The following TYW1B variants were observed in gnomAD, a reference collection of about 807,000 sequenced individuals.
TYW1B encodes the protein tRNA-yW synthesizing protein 1 homolog B.
Under a neutral mutation model 86.9 loss-of-function variants are expected in TYW1B, and 73 were observed. The observed-to-expected ratio is 0.84, with a 90% CI of 0.70 to 1.02. The LOEUF (loss-of-function observed/expected upper bound fraction) is 1.02. TYW1B is among the 50% of genes least tolerant of loss of function. The pLI is 0.00. For missense variants in TYW1B, 637 were observed against 827.4 expected, an observed-to-expected ratio of 0.77 and a Z score of 2.82; for synonymous variants, 248 against 292.8, an observed-to-expected ratio of 0.85 and a Z score of 1.56.
At chr7:72,626,518 T>C (rs1554438871) in intron 12 of TYW1B, among the ~76,000 whole-genome samples, 1 of 152,116 alleles carries the variant, frequency 6.6e-6, no homozygotes, top group Non-Finnish European at 1.5e-5. Flanking sequence ...ATATCTCAAA[T>C]TTAATGTTGC....
chr7:72,650,606 C>T (rs1813034733), intron 11 of TYW1B, among the ~76,000 whole-genome samples: 2 of 152,132 alleles, frequency 1.3e-5, no homozygotes, highest in South Asian at 4.1e-4. Flanking sequence ...GACATCCCCA[C>T]TGCAACACAG....
intron 7 of TYW1B, among the ~76,000 whole-genome samples, chr7:72,776,387 C>G (rs1452047307): frequency 6.6e-6 from 1 of 151,532 alleles, no homozygotes; most frequent in African/African-American, 2.4e-5. Flanking sequence ...AGTTCAAGAC[C>G]AGCATGGCCA....
intron 5 of TYW1B, 146 bp downstream of exon 5, chr7:72,806,920 G>A (rs1290842273): frequency 9.2e-6 from 11 of 1,194,278 alleles, no homozygotes; most frequent in Non-Finnish European, 1.2e-5. Flanking sequence ...CCCAAAGTGT[G>A]GGGATTACAA....
At chr7:72,758,045 A>G (rs1787622439) in intron 7 of TYW1B, among the ~76,000 whole-genome samples, 1 of 152,064 alleles carries the variant, frequency 6.6e-6, no homozygotes, top group Non-Finnish European at 1.5e-5. Context: ...TGGCGAAACC[A>G]CATCTCTACT....
chr7:72,773,957 C>A (rs145200746), intron 7 of TYW1B, among the ~76,000 whole-genome samples: 55 of 149,776 alleles, frequency 3.7e-4, no homozygotes, highest in Non-Finnish European at 6.1e-4. Flanking sequence ...CCCAGCTACT[C>A]GGGAGGCTGA....
chr7:72,583,233 C>T (rs1811198689), intron 13 of TYW1B, among the ~76,000 whole-genome samples: 1 of 152,112 alleles, frequency 6.6e-6, no homozygotes, highest in Non-Finnish European at 1.5e-5. Context: ...TCCTGCAGTC[C>T]CAGCTACTCG....
intron 10 of TYW1B, among the ~76,000 whole-genome samples, chr7:72,706,947 G>T (rs1297745379): frequency 1.3e-5 from 2 of 152,204 alleles, no homozygotes; most frequent in African/African-American, 2.4e-5. Context: ...GGAGAAAATG[G>T]ATTGCATATC....
intron 11 of TYW1B, among the ~76,000 whole-genome samples, chr7:72,658,665 C>A (rs1230524004): frequency 6.6e-6 from 1 of 152,144 alleles, no homozygotes; most frequent in Non-Finnish European, 1.5e-5. Flanking sequence ...TACATTAAAA[C>A]AATATGGATA....
At chr7:72,683,461 T>C (rs1813928637) in intron 11 of TYW1B, among the ~76,000 whole-genome samples, 1 of 152,098 alleles carries the variant, frequency 6.6e-6, no homozygotes, top group Non-Finnish European at 1.5e-5. Flanking sequence ...TCCTAGCTAC[T>C]TGGAAGGCTG....
At chr7:72,752,412 T>C (rs1319544713) in intron 7 of TYW1B, among the ~76,000 whole-genome samples, 1 of 152,120 alleles carries the variant, frequency 6.6e-6, no homozygotes, top group Non-Finnish European at 1.5e-5. Context: ...ACTATGGTGA[T>C]AGTTTCACAG....
rs1812492970 is a variant in TYW1B, at chr7:72,631,570, T to C, written c.1507-2573A>G. On this transcript the variant is annotated intron_variant, in intron 11 of 13. Coordinates refer to ENST00000620995, the MANE Select transcript of TYW1B (RefSeq NM_001145440.3). ...TATTTAGTTGGACTAACAGAAGAAT[T>C]TCTACTCTTTCTTAAAAAACACTTT... Among the ~76,000 whole-genome samples, 5 of 152,178 alleles carry C rather than the reference T, an allele frequency of 3.3e-5. No homozygotes were observed. In the South Asian group the frequency reaches 8.3e-4, roughly 25 times the overall value.
chr7:72,672,342 C>T (rs1232934197), intron 11 of TYW1B, among the ~76,000 whole-genome samples: 1 of 151,842 alleles, frequency 6.6e-6, no homozygotes, highest in East Asian at 1.9e-4. Context: ...GGATTCTGTT[C>T]CTCTTACATT....
chr7:72,579,885 A>G (rs1486363461), intron 13 of TYW1B, among the ~76,000 whole-genome samples: 1 of 152,080 alleles, frequency 6.6e-6, no homozygotes, highest in Non-Finnish European at 1.5e-5. Context: ...TCCTGGCCTC[A>G]AGTGATCCTC....
intron 6 of TYW1B, among the ~76,000 whole-genome samples, chr7:72,793,111 G>T (rs1788247441): frequency 6.6e-6 from 1 of 152,110 alleles, no homozygotes; most frequent in African/African-American, 2.4e-5. Context: ...GGCCAAGGCA[G>T]GTGGATATCT....
intron 11 of TYW1B, among the ~76,000 whole-genome samples, chr7:72,664,406 C>T (rs1419190269): frequency 6.6e-6 from 1 of 152,052 alleles, no homozygotes; most frequent in Non-Finnish European, 1.5e-5. Context: ...CCTATTCTCC[C>T]CTTTGTCCTT....
chr7:72,794,664 G>A (rs1157863672), intron 6 of TYW1B, among the ~76,000 whole-genome samples: 2 of 152,090 alleles, frequency 1.3e-5, no homozygotes, highest in Non-Finnish European at 2.9e-5. Context: ...TTTGCTCAGC[G>A]CAAGGGACTT....
chr7:72,761,982 TAAAAG>T (rs1286903214), intron 7 of TYW1B, among the ~76,000 whole-genome samples: 1 of 152,088 alleles, frequency 6.6e-6, no homozygotes, highest in African/African-American at 2.4e-5. Context: ...TGGCTATAAT[TAAAAG>T]AGATTGTTTA....
intron 13 of TYW1B, among the ~76,000 whole-genome samples, chr7:72,602,214 A>T (rs1811682654): frequency 6.6e-6 from 1 of 152,120 alleles, no homozygotes; most frequent in Non-Finnish European, 1.5e-5. Flanking sequence ...CTAGAGGCAA[A>T]AGGAACTGCA....
intron 11 of TYW1B, among the ~76,000 whole-genome samples, chr7:72,646,856 T>C (rs567101394): frequency 6.6e-6 from 1 of 152,344 alleles, no homozygotes; most frequent in Non-Finnish European, 1.5e-5. Context: ...GAATTGGTTA[T>C]ATTATTCTCT....
Sources: allele counts gnomAD v4.1 joint callset (sites outside exome capture counted in the v4.1 genomes callset), GRCh38; gene constraint gnomAD v4.1.1; transcripts MANE v1.5; gene names NCBI Gene and HGNC (gene_info 2026-07-23, HGNC 2026-07-21).